The following ST18 variants were observed in gnomAD, a reference collection of about 807,000 sequenced individuals.
ST18 encodes the protein suppression of tumorigenicity 18 protein.
Under a neutral mutation model 110.0 loss-of-function variants are expected in ST18, and 50 were observed. The ratio of observed to expected loss-of-function variants is 0.45; its 90% CI spans 0.36 to 0.58. The LOEUF (loss-of-function observed/expected upper bound fraction) is 0.58. Ranked by LOEUF, ST18 falls within the 20% of genes least tolerant of loss-of-function variation. ST18 has a pLI of 0.00. For missense variants in ST18, 1,306 were observed against 1,280.1 expected (o/e 1.02, Z -0.31); for synonymous variants, 461 against 452.4 (o/e 1.02, Z -0.24).
intron 2 of ST18, among the ~76,000 whole-genome samples, chr8:52,242,044 T>G (rs1417010900): frequency 6.6e-6 from 1 of 152,226 alleles, no homozygotes; most frequent in Non-Finnish European, 1.5e-5. Flanking sequence ...TAAGTGATTT[T>G]TGTCAACCCT....
At chr8:52,301,563 T>C (rs981921005) in intron 2 of ST18, among the ~76,000 whole-genome samples, 2 of 152,184 alleles carry the variant, frequency 1.3e-5, no homozygotes, top group African/African-American at 4.8e-5. Flanking sequence ...ATTTCTAATA[T>C]GATATATAAA....
intron 14 of ST18, among the ~76,000 whole-genome samples, 157 bp downstream of exon 14, chr8:52,161,218 C>A (rs959784143): frequency 6.6e-6 from 1 of 152,084 alleles, no homozygotes; most frequent in African/African-American, 2.4e-5. Context: ...AACTTATTAT[C>A]GTTTTCTTTA....
intron 2 of ST18, among the ~76,000 whole-genome samples, chr8:52,291,412 C>A (rs2095554273): frequency 6.6e-6 from 1 of 152,204 alleles, no homozygotes; most frequent in African/African-American, 2.4e-5. Flanking sequence ...TAAAATGGAC[C>A]TACCACCACC....
At chr8:52,209,416 TTAAG>T (rs2081304143) in intron 8 of ST18, among the ~76,000 whole-genome samples, 1 of 152,042 alleles carries the variant, frequency 6.6e-6, no homozygotes, top group Non-Finnish European at 1.5e-5. Context: ...ATCGGGAGGA[TTAAG>T]TGAGATAATA....
At chr8:52,201,653 G>A (rs774826955) in intron 8 of ST18, among the ~76,000 whole-genome samples, 14 of 151,572 alleles carry the variant, frequency 9.2e-5, no homozygotes, top group Non-Finnish European at 1.6e-4. Flanking sequence ...GTGGCTCTTC[G>A]TCCCAATCTA....
Position 52,149,989 on chromosome 8 carries a change from T to C in ST18, c.1807-12A>G. On this transcript the variant is annotated splice_polypyrimidine_tract_variant and intron_variant, in intron 15 of 25. Transcript: ENST00000689386. ...TCTATTTCGGCTCCCTGGTATACAA[T>C]AGGAAACAGAAAAACATTTAAGCAG... The C allele has an allele frequency of 2.5e-6, 4 of 1,607,184 alleles. No individual in the cohort carries two copies. The highest frequency in any genetic ancestry group is 1.1e-5 in the South Asian group (1 of 89,930).
chr8:52,214,945 C>T (rs2083578775), intron 6 of ST18, among the ~76,000 whole-genome samples: 2 of 152,288 alleles, frequency 1.3e-5, no homozygotes, highest in East Asian at 1.9e-4. Flanking sequence ...GATGCAAAGA[C>T]TTTAAAAGCC....
chr8:52,292,538 C>T (rs1008232658), intron 2 of ST18, among the ~76,000 whole-genome samples: 6 of 152,122 alleles, frequency 3.9e-5, no homozygotes, highest in Non-Finnish European at 5.9e-5. Context: ...GTGTGCCTAT[C>T]GAACAGAATC....
At chr8:52,130,119 A>AAAG (rs67888949) in intron 22 of ST18, among the ~76,000 whole-genome samples, 5,801 of 104,968 alleles carry the variant, frequency 0.055, 499 homozygotes, top group African/African-American at 0.19. Context: ...AGAAAGAAAG[A>AAAG]AAAGAAAGAA....
chr8:52,125,848 C>T (rs1027200677), intron 23 of ST18: 3 of 534,582 alleles, frequency 5.6e-6, no homozygotes, highest in African/African-American at 3.8e-5. Flanking sequence ...TGTTGGAGAT[C>T]ACTCCTTATT....
intron 2 of ST18, 71 bp downstream of exon 2, chr8:52,409,257 T>C (rs932074134): frequency 6.6e-6 from 1 of 152,226 alleles, no homozygotes; most frequent in African/African-American, 2.4e-5. Flanking sequence ...AGTGGTATGT[T>C]TTCTCTCAAA....
At chr8:52,396,897 G>A (rs1023472482) in intron 2 of ST18, among the ~76,000 whole-genome samples, 18 of 152,206 alleles carry the variant, frequency 1.2e-4, no homozygotes, top group African/African-American at 3.6e-4. Context: ...GAACACTTAC[G>A]TTGTTTCCAT....
chr8:52,212,126 A>G lies in ST18; in HGVS notation c.56-17T>C, dbSNP rs1334475585. On this transcript the variant is annotated splice_polypyrimidine_tract_variant and intron_variant, in intron 7 of 25. Coordinates refer to ENST00000689386, the MANE Select transcript of ST18 (RefSeq NM_001352837.2). ...CCATTGGCACTGTTGACAAAAGAAG[A>G]AAAAAAAGAAGACTTAATCAGTTGA... is the stretch of plus-strand genomic sequence containing the variant. The G allele has an allele frequency of 6.3e-7, 1 of 1,593,274 alleles. No individual in the cohort carries two copies. Among genetic ancestry groups the G allele is most frequent in the African/African-American group, 1.4e-5 (1 of 73,480 alleles).
chr8:52,232,853 A>G (rs963648881), intron 2 of ST18, among the ~76,000 whole-genome samples: 5 of 151,790 alleles, frequency 3.3e-5, no homozygotes, highest in Non-Finnish European at 7.4e-5. Context: ...TACCAAGCAG[A>G]AGTTAGGTCT....
At chr8:52,329,328 T>C (rs1345340027) in intron 2 of ST18, among the ~76,000 whole-genome samples, 2 of 151,372 alleles carry the variant, frequency 1.3e-5, no homozygotes, top group Non-Finnish European at 2.9e-5. Context: ...GTTACAGGTG[T>C]TGGAAGATTT....
chr8:52,143,058 C>CA lies in ST18; in HGVS notation c.2053-14dup, dbSNP rs765434997. The CA allele has an allele frequency of 6.5e-7, 1 of 1,541,226 alleles. No homozygotes were observed. The highest frequency in any genetic ancestry group is 1.1e-5 in the South Asian group (1 of 88,690). On this transcript the variant is annotated splice_polypyrimidine_tract_variant and intron_variant, in intron 16 of 25. Transcript: ENST00000689386. ...TCACTGGGTCTTTCTGGAAAACAAA[C>CA]AAAAAACAAACAAAACACAGAAGCC...
intron 23 of ST18, 122 bp downstream of exon 23, chr8:52,125,930 C>T (rs1324969308): frequency 6.4e-6 from 5 of 779,326 alleles, no homozygotes; most frequent in South Asian, 4.7e-5. Flanking sequence ...CTGAGGAAAC[C>T]TTTCTTCTTG....
chr8:52,378,417 A>G (rs913808606), intron 2 of ST18, among the ~76,000 whole-genome samples: 22 of 152,332 alleles, frequency 1.4e-4, no homozygotes, highest in Admixed American at 2.6e-4. Flanking sequence ...AAAAAGAGCA[A>G]TGAGCTATTT....
At chr8:52,218,403 A>G (rs2085227385) in intron 5 of ST18, among the ~76,000 whole-genome samples, 1 of 147,040 alleles carries the variant, frequency 6.8e-6, no homozygotes, top group African/African-American at 2.5e-5. Flanking sequence ...TTTTTTTGAG[A>G]TGAGGTTTTG....
Sources: gnomAD v4.1 joint callset for allele counts (sites outside exome capture counted in the v4.1 genomes callset) on GRCh38, gnomAD v4.1.1 for gene constraint, MANE v1.5 for transcripts, NCBI Gene and HGNC (gene_info 2026-07-23, HGNC 2026-07-21) for gene names.